CD22: variants seen among roughly 807,000 people sequenced by gnomAD.
CD22 encodes the protein B-cell receptor CD22.
CD22 carries 51 observed loss-of-function variants against 94.7 expected under a neutral mutation model. That is an observed-to-expected ratio of 0.54 (90% confidence interval 0.43 to 0.68). CD22 has a LOEUF of 0.68. Ranked by LOEUF, CD22 falls within the 30% of genes least tolerant of loss-of-function variation. The pLI is 0.00. For synonymous variants in CD22, 424 were observed against 422.5 expected, an observed-to-expected ratio of 1.00 and a Z score of -0.04; for missense variants, 931 against 1,060.4, an observed-to-expected ratio of 0.88 and a Z score of 1.69.
In CD22 at chr19:35,332,057, C is replaced by T. The variant is rs1463430647; in HGVS notation, c.17C>T (p.Pro6Leu). Residue 6 changes from proline (P) to leucine (L), a missense_variant, in exon 2 of 14, where the codon CCC becomes CTC. Coordinates refer to ENST00000085219, the MANE Select transcript of CD22 (RefSeq NM_001771.4). The stretch of plus-strand genomic sequence containing the variant: ...CACGACACCATGCATCTCCTCGGCC[C>T]CTGGCTCCTGCTCCTGGGTAAGGAC... MHLLG[P>L]WLLLLVLEYL... 2 of 1,613,968 alleles carry T rather than the reference C, an allele frequency of 1.2e-6. No homozygotes were observed. The highest frequency in any genetic ancestry group is 2.2e-5 in the South Asian group (2 of 91,076).
intron 6 of CD22, 81 bp from the exon 7 acceptor site, chr19:35,340,800 A>T (rs556497714): frequency 4.0e-6 from 6 of 1,497,300 alleles, no homozygotes; most frequent in Admixed American, 3.4e-5. Context: ...CGGGACAGGT[A>T]GCGGGAGAAG....
At chr19:35,333,173 C>T (rs375265394) in intron 3 of CD22, 1 of 508,418 alleles carries the variant, frequency 2.0e-6, no homozygotes, top group South Asian at 3.3e-5. Flanking sequence ...TGATCTTTCC[C>T]TCTTTCTTTC....
In CD22 at chr19:35,337,881, A is replaced by C; in HGVS notation, c.845A>C (p.Asp282Ala). ...TACACGACGGTATCCTGGCTCAAGG[A>C]TGGGACCTCGCTGAAGAAGCAGAAT... ...PEYTTVSWLK[D>A]GTSLKKQNTF... Residue 282 changes from aspartate (D) to alanine (A), a missense_variant, in exon 5 of 14, where the codon GAT becomes GCT. By Grantham distance (126) the Asp-to-Ala change is moderately radical (BLOSUM62 -2). Coordinates refer to ENST00000085219, the MANE Select transcript of CD22 (RefSeq NM_001771.4). This position sits in a 1 kb window ranked among gnomAD's most constrained non-coding sequence, Gnocchi z 4.4. 1.2e-6 allele frequency: 2 copies of C among 1,614,184 alleles called. No individual in the cohort carries two copies. The highest frequency in any genetic ancestry group is 1.7e-6 in the Non-Finnish European group (2 of 1,180,030).
intron 6 of CD22, among the ~76,000 whole-genome samples, chr19:35,339,592 A>G (rs12985681): frequency 0.38 from 57,650 of 151,866 alleles, 11,169 homozygotes; most frequent in Middle Eastern, 0.49. Context: ...ATGGTGGCTT[A>G]CGCCTGTAAT....
intron 3 of CD22, 22 bp downstream of exon 3, chr19:35,332,946 T>G: frequency 6.2e-7 from 1 of 1,607,372 alleles, no homozygotes; most frequent in Non-Finnish European, 8.5e-7. Context: ...GGGGAGCGGG[T>G]CCTCTGCTCT....
At chr19:35,340,554 A>T (rs1165550589) in intron 6 of CD22, among the ~76,000 whole-genome samples, 2 of 152,166 alleles carry the variant, frequency 1.3e-5, no homozygotes, top group African/African-American at 2.4e-5. Flanking sequence ...TGCTGAAATT[A>T]CAAGCGTGAG....
chr19:35,330,717 T>A (rs2066633452), intron 1 of CD22: 1 of 152,156 alleles, frequency 6.6e-6, no homozygotes, highest in South Asian at 2.1e-4. Context: ...TGCTGTCACA[T>A]CCTTCAGGGT....
At chr19:35,336,734 A>G (rs73031764) in intron 4 of CD22, 10,421 of 203,198 alleles carry the variant, frequency 0.051, 442 homozygotes, top group East Asian at 0.13. Context: ...AGTGAGCAAA[A>G]CTCTTGCCCC....
chr19:35,340,145 G>A (rs898206251), intron 6 of CD22, among the ~76,000 whole-genome samples: 2 of 152,158 alleles, frequency 1.3e-5, no homozygotes, highest in Non-Finnish European at 2.9e-5. Context: ...AGCTGGATGC[G>A]TGACCACAGC....
rs1815141129 is a variant in CD22, at chr19:35,346,316, A to G, written c.2412+81A>G. ...GCCTGGCCTCAGTGGTGGGTCCCAC[A>G]TAGGAAGGAGTTGGGTAGGCATCCG... On this transcript the variant is annotated intron_variant, in intron 13 of 13. Coordinates refer to ENST00000085219, the MANE Select transcript of CD22 (RefSeq NM_001771.4). 3.1e-6 allele frequency: 4 copies of G among 1,297,210 alleles called. No homozygotes were observed. In the South Asian group the frequency reaches 3.5e-5, roughly 11 times the overall value. 80.4% of individuals were successfully genotyped at this position (1,297,210 alleles called of 1,614,324 possible). A position where few individuals can be genotyped will look rare whatever the true frequency, so the allele number is the denominator to read the frequency against.
At position 35,332,706 on chromosome 19, in the gene CD22, A is replaced by G; in HGVS notation, c.194A>G (p.Asn65Ser). Residue 65 changes from asparagine to serine, a missense_variant, in exon 3 of 14, where the codon AAC becomes AGC. Physicochemically the swap from Asn to Ser is conservative, Grantham distance 46. Transcript: ENST00000085219. Reference protein sequence around the residue: ...SFILFHNPEYNKNTSKFDGTR... With the variant: ...SFILFHNPEYSKNTSKFDGTR... ...ATCCTGTTCCACAATCCTGAGTATA[A>G]CAAGAACACCTCGAAGTTTGATGGG... is the stretch of plus-strand genomic sequence containing the variant. 3 of 1,614,148 alleles carry G rather than the reference A, an allele frequency of 1.9e-6. No homozygotes were observed. Among genetic ancestry groups the G allele is most frequent in the South Asian group, 1.1e-5 (1 of 91,076 alleles).
chr19:35,338,192 A>G lies in CD22; in HGVS notation c.1010A>G (p.Gln337Arg). The change falls in exon 6 of 14, where the codon CAG becomes CGG. Residue 337 changes from glutamine to arginine, a missense_variant. By Grantham distance (43) the Gln-to-Arg change is conservative. Transcript: ENST00000085219. ...GATGCCCCGGAACCTTCCACGGTTCAGATCCTCCACTCACCGGCTGTGGAG... is the reference window on the plus strand; with the variant it reads ...GATGCCCCGGAACCTTCCACGGTTCGGATCCTCCACTCACCGGCTGTGGAG... The part of the protein sequence containing the change: ...VQYAPEPSTV[Q>R]ILHSPAVEGS... 3 of 1,613,570 alleles carry G rather than the reference A, an allele frequency of 1.9e-6. No homozygotes were observed. Among genetic ancestry groups the G allele is most frequent in the Non-Finnish European group, 2.5e-6 (3 of 1,179,604 alleles).
At position 35,338,176 on chromosome 19, in the gene CD22, G is replaced by C. The variant is rs772776412; in HGVS notation, c.994G>C (p.Glu332Gln). ...TCTGCCCCCTCTTCCAGATGCCCCG[G>C]AACCTTCCACGGTTCAGATCCTCCA... ...EVFLQVQYAP[E>Q]PSTVQILHSP... The change falls in exon 6 of 14, where the codon GAA becomes CAA. Residue 332 changes from glutamate (E) to glutamine (Q), a missense_variant. Physicochemically the swap from Glu to Gln is conservative, Grantham distance 29 (BLOSUM62 2). Coordinates refer to ENST00000085219, the MANE Select transcript of CD22 (RefSeq NM_001771.4). The C allele has an allele frequency of 6.2e-7, 1 of 1,611,080 alleles. No homozygotes were observed. The highest frequency in any genetic ancestry group is 1.7e-5 in the Admixed American group (1 of 59,934).
In CD22 at chr19:35,339,594, G is replaced by T. The variant is rs142294317; in HGVS notation, c.1249+1163G>T. Among the ~76,000 whole-genome samples the T allele has an allele frequency of 4.8e-3, 715 of 150,444 alleles. 7 individuals are homozygous for T. Among genetic ancestry groups the T allele is most frequent in the African/African-American group, 0.015 (607 of 40,918 alleles). Reference sequence around the variant, plus strand: ...GGATTGGCCAGGCATGGTGGCTTACGCCTGTAATCCCAGCACTTTGGGAGG... The same window carrying T: ...GGATTGGCCAGGCATGGTGGCTTACTCCTGTAATCCCAGCACTTTGGGAGG... On this transcript the variant is annotated intron_variant, in intron 6 of 13. Transcript: ENST00000085219.
intron 3 of CD22, among the ~76,000 whole-genome samples, chr19:35,334,807 G>A (rs147047982): frequency 2.0e-5 from 3 of 151,826 alleles, no homozygotes; most frequent in South Asian, 4.2e-4. Context: ...GGCCGGGCAC[G>A]GTGGCTCACG....
intron 12 of CD22, 128 bp from the exon 13 acceptor site, chr19:35,346,023 C>A: frequency 1.4e-6 from 1 of 722,570 alleles, no homozygotes. Context: ...GCTTTGGGCA[C>A]TGGGGAGGCC....
At chr19:35,344,457 G>A (rs753139981) in intron 9 of CD22, among the ~76,000 whole-genome samples, 17 of 152,214 alleles carry the variant, frequency 1.1e-4, no homozygotes, top group Non-Finnish European at 2.2e-4. Context: ...TTTTGGGCAC[G>A]CCTGCAAGGA....
In CD22 at chr19:35,338,264, C is replaced by T. The variant is rs775470923; in HGVS notation, c.1082C>T (p.Pro361Leu). The change falls in exon 6 of 14, where the codon CCA (proline) becomes CTA (leucine). Residue 361 changes from proline (P) to leucine (L), a missense_variant. By Grantham distance (98) the Pro-to-Leu change is moderately conservative (BLOSUM62 -3). Coordinates refer to ENST00000085219, the MANE Select transcript of CD22 (RefSeq NM_001771.4). The part of the protein sequence containing the change: ...FLCMSLANPL[P>L]TNYTWYHNGK... The stretch of plus-strand genomic sequence containing the variant: ...TGCATGTCACTGGCCAATCCTCTTC[C>T]AACAAATTACACGTGGTACCACAAT... The T allele has an allele frequency of 2.5e-6, 4 of 1,614,116 alleles. No homozygotes were observed. Among genetic ancestry groups the T allele is most frequent in the Admixed American group, 1.7e-5 (1 of 60,008 alleles).
chr19:35,330,200 G>A (rs1373209044), intron 1 of CD22, among the ~76,000 whole-genome samples: 1 of 152,110 alleles, frequency 6.6e-6, no homozygotes, highest in African/African-American at 2.4e-5. Context: ...GACGGGTGTG[G>A]TGGCACATGC....
Sources: allele counts gnomAD v4.1 joint callset (sites outside exome capture counted in the v4.1 genomes callset), GRCh38; gene constraint gnomAD v4.1.1; non-coding constraint Gnocchi (gnomAD v3.1); transcripts MANE v1.5; gene names NCBI Gene and HGNC (gene_info 2026-07-23, HGNC 2026-07-21).